The following PLXDC2 variants were observed in gnomAD, a reference collection of about 807,000 sequenced individuals.
The protein encoded by PLXDC2 is plexin domain containing 2, also known as plexin domain-containing protein 2.
In PLXDC2, 40 loss-of-function variants were observed where a neutral mutation model predicts 68.9. The ratio of observed to expected loss-of-function variants is 0.58; its 90% CI spans 0.45 to 0.76. The LOEUF is 0.76. PLXDC2 is among the 30% of genes least tolerant of loss of function. The pLI, the probability that PLXDC2 is intolerant of heterozygous loss-of-function variation, is 0.00. For synonymous variants in PLXDC2, 243 were observed against 234.2 expected, an observed-to-expected ratio of 1.04 and a Z score of -0.34; for missense variants, 644 against 661.9, an observed-to-expected ratio of 0.97 and a Z score of 0.30.
intron 4 of PLXDC2, among the ~76,000 whole-genome samples, chr10:20,071,721 G>A (rs1836318887): frequency 6.6e-6 from 1 of 152,220 alleles, no homozygotes; most frequent in African/African-American, 2.4e-5. Context: ...ATAAGCAATA[G>A]AGAAGGCTGA....
At chr10:20,227,913 C>A (rs139472305) in intron 12 of PLXDC2, among the ~76,000 whole-genome samples, 1 of 151,986 alleles carries the variant, frequency 6.6e-6, no homozygotes, top group Non-Finnish European at 1.5e-5. Flanking sequence ...AGAGAATGCA[C>A]AAGAGAAGTA....
At chr10:19,914,856 A>G (rs191594094) in intron 1 of PLXDC2, among the ~76,000 whole-genome samples, 2 of 152,254 alleles carry the variant, frequency 1.3e-5, no homozygotes, top group East Asian at 1.9e-4. Context: ...TATCAAGACA[A>G]TCCCTTTCTG....
rs1403743531 is a variant in PLXDC2, at chr10:20,282,813, A to C, written c.*2994A>C. ...ATATACTAACACCTAGAAAACTAAA[A>C]GTGCAATTGACCCCCAATTACTATT... On this transcript the variant is annotated 3_prime_UTR_variant, in exon 14 of 14. Coordinates refer to ENST00000377252, the MANE Select transcript of PLXDC2 (RefSeq NM_032812.9). 1 of 152,224 alleles carries C rather than the reference A, an allele frequency of 6.6e-6. No homozygotes were observed. Among genetic ancestry groups the C allele is most frequent in the African/African-American group, 2.4e-5 (1 of 41,466 alleles). The allele number at this position is 152,224 out of a possible 1,614,324, so 9.4% of individuals were successfully genotyped here. A position where few individuals can be genotyped will look rare whatever the true frequency, so the allele number is the denominator to read the frequency against.
At chr10:20,103,073 C>T (rs1349734982) in intron 4 of PLXDC2, among the ~76,000 whole-genome samples, 1 of 152,074 alleles carries the variant, frequency 6.6e-6, no homozygotes, top group Non-Finnish European at 1.5e-5. Flanking sequence ...ATGTGGAGTA[C>T]CTCTGAGAGT....
intron 4 of PLXDC2, among the ~76,000 whole-genome samples, chr10:20,126,079 T>C (rs1380684986): frequency 1.4e-5 from 2 of 147,928 alleles, no homozygotes; most frequent in African/African-American, 4.9e-5. Flanking sequence ...TAATAGTATA[T>C]ACACAGGCTA....
At chr10:20,111,271 TATTA>T (rs1833557001) in intron 4 of PLXDC2, among the ~76,000 whole-genome samples, 1 of 152,192 alleles carries the variant, frequency 6.6e-6, no homozygotes, top group African/African-American at 2.4e-5. Context: ...CACATCAGCT[TATTA>T]ATTTTAACCT....
At chr10:20,042,803 G>C (rs1457448344) in intron 2 of PLXDC2, among the ~76,000 whole-genome samples, 1 of 152,108 alleles carries the variant, frequency 6.6e-6, no homozygotes, top group Admixed American at 6.6e-5. Flanking sequence ...CTTTTCCTCC[G>C]TATTTTTGGT....
chr10:19,930,045 T>C (rs904268147), intron 1 of PLXDC2, among the ~76,000 whole-genome samples: 1 of 152,070 alleles, frequency 6.6e-6, no homozygotes, highest in African/African-American at 2.4e-5. Context: ...TATTCATTTT[T>C]TTTTCCTCCC....
At chr10:20,226,005 G>A (rs552032268) in intron 12 of PLXDC2, among the ~76,000 whole-genome samples, 26 of 152,142 alleles carry the variant, frequency 1.7e-4, no homozygotes, top group Non-Finnish European at 1.5e-4. Flanking sequence ...TGATAATGCA[G>A]TTGCCACCAA....
At chr10:20,024,858 T>C (rs1835370252) in intron 2 of PLXDC2, among the ~76,000 whole-genome samples, 1 of 152,204 alleles carries the variant, frequency 6.6e-6, no homozygotes. Flanking sequence ...TATAGGATAA[T>C]GGCCTCTAGC....
intron 2 of PLXDC2, among the ~76,000 whole-genome samples, chr10:20,011,173 T>G (rs1835108025): frequency 6.6e-6 from 1 of 152,168 alleles, no homozygotes; most frequent in South Asian, 2.1e-4. Context: ...CTTTATATGT[T>G]GAACGAAGGG....
chr10:20,199,218 A>C (rs762654271), intron 9 of PLXDC2, among the ~76,000 whole-genome samples: 4 of 151,996 alleles, frequency 2.6e-5, no homozygotes, highest in African/African-American at 4.8e-5. Flanking sequence ...ATATTTGATA[A>C]AATTTAACCA....
intron 1 of PLXDC2, among the ~76,000 whole-genome samples, chr10:19,896,932 G>A (rs566485996): frequency 1.3e-5 from 2 of 152,038 alleles, no homozygotes; most frequent in Non-Finnish European, 2.9e-5. Flanking sequence ...ATAGCTCTTA[G>A]TACCACCTGA....
chr10:19,857,174 G>T (rs1214054799), intron 1 of PLXDC2, among the ~76,000 whole-genome samples: 1 of 152,164 alleles, frequency 6.6e-6, no homozygotes, highest in Non-Finnish European at 1.5e-5. Context: ...CAGCTAGCAA[G>T]TTACAGAGCT....
In PLXDC2 at chr10:20,212,758, A is replaced by G. The variant is rs543266548; in HGVS notation, c.1122+1029A>G. Among the ~76,000 whole-genome samples the G allele has an allele frequency of 3.3e-4, 50 of 152,236 alleles. 1 individual carries two copies. The South Asian group carries it at 8.9e-3, about 27-fold the overall frequency. On this transcript the variant is annotated intron_variant, in intron 10 of 13. Coordinates refer to ENST00000377252, the MANE Select transcript of PLXDC2 (RefSeq NM_032812.9). ...ATGCAGTATTGCCAGTGTAGCTATA[A>G]CCAACCTTTTGGCATTTCATTTAGG...
At chr10:20,130,957 G>A (rs1010229629) in intron 4 of PLXDC2, among the ~76,000 whole-genome samples, 6 of 152,146 alleles carry the variant, frequency 3.9e-5, no homozygotes, top group Admixed American at 6.5e-5. Context: ...TAACGTTTTC[G>A]TCTGACTTTG....
intron 7 of PLXDC2, among the ~76,000 whole-genome samples, chr10:20,173,935 A>T (rs10740966): frequency 0.88 from 134,184 of 152,138 alleles, 59,363 homozygotes; most frequent in Non-Finnish European, 0.91. Flanking sequence ...GTTAAATTCA[A>T]CTCCTCTCAA....
chr10:20,287,689 C>T lies in PLXDC2; in HGVS notation c.*7870C>T, dbSNP rs1034352371. On this transcript the variant is annotated 3_prime_UTR_variant, in exon 14 of 14. Transcript: ENST00000377252. ...TCAGTGAAGTCTCTTTAGAAACAGA[C>T]ATCTTGTGTATGGCGTAACCCAGTC... is the stretch of plus-strand genomic sequence containing the variant. The T allele has an allele frequency of 6.6e-6, 1 of 152,074 alleles. No homozygotes were observed. The highest frequency in any genetic ancestry group is 1.5e-5 in the Non-Finnish European group (1 of 68,022). The allele number at this position is 152,074 out of a possible 1,614,324, so 9.4% of individuals were successfully genotyped here.
At chr10:19,884,403 G>C (rs2131353631) in intron 1 of PLXDC2, among the ~76,000 whole-genome samples, 1 of 152,046 alleles carries the variant, frequency 6.6e-6, no homozygotes, top group African/African-American at 2.4e-5. Context: ...TGCACAATGT[G>C]CAGGTTAGTT....
Sources: gnomAD v4.1 joint callset for allele counts (sites outside exome capture counted in the v4.1 genomes callset) on GRCh38, gnomAD v4.1.1 for gene constraint, MANE v1.5 for transcripts, NCBI Gene and HGNC (gene_info 2026-07-23, HGNC 2026-07-21) for gene names.